BMP3: variants seen among roughly 807,000 people sequenced by gnomAD.
BMP3 encodes bone morphogenetic protein 3 (osteogenic).
BMP3 carries 23 observed loss-of-function variants against 38.1 expected under a neutral mutation model. The observed-to-expected ratio is 0.60, with a 90% confidence interval of 0.43 to 0.86. BMP3 has a LOEUF of 0.86. Among genes scored for constraint, BMP3 ranks in the 40% least tolerant of loss-of-function variants. BMP3 has a pLI of 0.00. For missense variants in BMP3, 628 were observed against 579.6 expected (o/e 1.08, Z -0.86); for synonymous variants, 258 against 225.7 (o/e 1.14, Z -1.28).
Position 81,045,789 on chromosome 4 carries a change from A to C in BMP3, c.368A>C (p.Lys123Thr). ...LYIFNLTSLT[K>T]SENILSATLY... ...ATCTTCAATCTGACATCGCTAACCA[A>C]GTCTGAAAACATTTTGTCTGCCACA... Residue 123 changes from lysine to threonine, a missense_variant, in exon 2 of 3, where the codon AAG becomes ACG. Coordinates refer to ENST00000282701, the MANE Select transcript of BMP3 (RefSeq NM_001201.5). 6.2e-7 allele frequency: 1 copy of C among 1,613,352 alleles called. No individual in the cohort carries two copies. The highest frequency in any genetic ancestry group is 1.1e-5 in the South Asian group (1 of 90,814).
intron 1 of BMP3, among the ~76,000 whole-genome samples, chr4:81,033,738 G>A (rs1480216006): frequency 6.6e-6 from 1 of 152,136 alleles, no homozygotes; most frequent in African/African-American, 2.4e-5. Flanking sequence ...AAGGTGCTAA[G>A]GTTTTCATGT....
intron 1 of BMP3, among the ~76,000 whole-genome samples, chr4:81,033,392 C>G (rs1312361660): frequency 3.3e-5 from 5 of 152,138 alleles, no homozygotes; most frequent in Non-Finnish European, 7.4e-5. Flanking sequence ...CAGAGTGTGC[C>G]TTATCAGCCT....
chr4:81,049,830 A>G (rs1468934565), intron 2 of BMP3, among the ~76,000 whole-genome samples: 1 of 152,222 alleles, frequency 6.6e-6, no homozygotes, highest in African/African-American at 2.4e-5. Flanking sequence ...GCCACTGGTC[A>G]GATCAGTACA....
rs759780251 is a variant in BMP3, at chr4:81,046,252, C to T, written c.831C>T (p.Ile277=). Residue 277 remains isoleucine (I), a synonymous_variant, in exon 2 of 3, where the codon ATC becomes ATT. Coordinates refer to ENST00000282701, the MANE Select transcript of BMP3 (RefSeq NM_001201.5). Reference sequence around the variant, plus strand: ...CTGTTCCCAAATGGGATAGCCACATCAGAGCTGCCCTTTCCATTGAGCGGA... The same window carrying T: ...CTGTTCCCAAATGGGATAGCCACATTAGAGCTGCCCTTTCCATTGAGCGGA... ...TGTVPKWDSH[I]RAALSIERRK... is the part of the protein sequence containing the mutation. The T allele has an allele frequency of 6.8e-6, 11 of 1,614,110 alleles. No individual in the cohort carries two copies. Among genetic ancestry groups the T allele is most frequent in the Non-Finnish European group, 8.5e-6 (10 of 1,180,016 alleles).
At chr4:81,043,377 A>G (rs973213523) in intron 1 of BMP3, among the ~76,000 whole-genome samples, 7 of 152,192 alleles carry the variant, frequency 4.6e-5, no homozygotes, top group African/African-American at 1.2e-4. Flanking sequence ...AATTGGAAGT[A>G]TGGGTGAACA....
In BMP3 at chr4:81,055,173, A is replaced by T. The variant is rs1740516293; in HGVS notation, c.*1637A>T. 1 of 152,246 alleles carries T rather than the reference A, an allele frequency of 6.6e-6. No homozygotes were observed. Among genetic ancestry groups the T allele is most frequent in the Non-Finnish European group, 1.5e-5 (1 of 68,032 alleles). 9.4% of individuals were successfully genotyped at this position (152,246 alleles called of 1,614,324 possible). ...CCTTGAAGGAATGATAGTGATAGATATAAAAACACTGTAAGTCCCTCTTTT... is the reference window on the plus strand; with the variant it reads ...CCTTGAAGGAATGATAGTGATAGATTTAAAAACACTGTAAGTCCCTCTTTT... On this transcript the variant is annotated 3_prime_UTR_variant, in exon 3 of 3. Transcript: ENST00000282701.
chr4:81,046,309 T>C lies in BMP3; in HGVS notation c.888T>C (p.Pro296=). 6.2e-7 allele frequency: 1 copy of C among 1,614,060 alleles called. No individual in the cohort carries two copies. Among genetic ancestry groups the C allele is most frequent in the Non-Finnish European group, 8.5e-7 (1 of 1,180,014 alleles). Residue 296 remains proline (P), a synonymous_variant, in exon 2 of 3, where the codon CCT becomes CCC. Transcript: ENST00000282701. ...AGCGCTCTACTGGGGTCTTGCTGCC[T>C]CTGCAGAACAACGAGCTTCCTGGGG... The part of the protein sequence containing the change: ...RKKRSTGVLL[P]LQNNELPGAE...
intron 1 of BMP3, among the ~76,000 whole-genome samples, chr4:81,034,226 G>GT (rs1404995256): frequency 7.7e-6 from 1 of 130,584 alleles, no homozygotes; most frequent in East Asian, 2.4e-4. Flanking sequence ...TGCCAAAACC[G>GT]TAAGTTTGGA....
Position 81,053,414 on chromosome 4 carries a change from C to G in BMP3, c.1297C>G (p.Pro433Ala), listed in dbSNP as rs758455386. The change falls in exon 3 of 3, where the codon CCT (proline) becomes GCT (alanine). Residue 433 changes from proline (P) to alanine (A), a missense_variant. By Grantham distance (27) the Pro-to-Ala change is conservative (BLOSUM62 -1). Transcript: ENST00000282701. ...AGCTGTGGGGGTCGTTCCTGGGATT[C>G]CTGAGCCTTGCTGTGTACCAGAAAA... ...VRAVGVVPGI[P>A]EPCCVPEKMS... 6.8e-6 allele frequency: 11 copies of G among 1,611,606 alleles called. No individual in the cohort carries two copies. The Admixed American group carries it at 1.7e-4, about 25-fold the overall frequency.
chr4:81,049,051 A>G (rs1398160338), intron 2 of BMP3, among the ~76,000 whole-genome samples: 1 of 152,206 alleles, frequency 6.6e-6, no homozygotes, highest in African/African-American at 2.4e-5. Context: ...ACAGTCTGAA[A>G]TGGGTCAAAT....
At chr4:81,048,152 C>A (rs765018731) in intron 2 of BMP3, among the ~76,000 whole-genome samples, 3 of 151,986 alleles carry the variant, frequency 2.0e-5, no homozygotes, top group Non-Finnish European at 4.4e-5. Context: ...ATATAAAGAG[C>A]CTTATCTTGT....
intron 2 of BMP3, among the ~76,000 whole-genome samples, chr4:81,052,813 C>T (rs1156950247): frequency 6.6e-6 from 1 of 152,128 alleles, no homozygotes; most frequent in Admixed American, 6.6e-5. Flanking sequence ...TTTATTTTAA[C>T]AACAATGCCT....
At chr4:81,050,087 A>G (rs9307778) in intron 2 of BMP3, among the ~76,000 whole-genome samples, 5,613 of 152,192 alleles carry the variant, frequency 0.037, 331 homozygotes, top group African/African-American at 0.13. Flanking sequence ...ACTGATTCCA[A>G]TTAGATAGTT....
intron 1 of BMP3, among the ~76,000 whole-genome samples, chr4:81,032,194 C>CAAAAAAAAAAAAAAAAAAAAAA (rs5859748): frequency 1.4e-5 from 1 of 74,038 alleles, no homozygotes; most frequent in African/African-American, 4.8e-5. Context: ...TCCTTAGTGG[C>CAAAAAAAAAAAAAAAAAAAAAA]AAAAAAAAAA....
chr4:81,039,119 C>A (rs1010280872), intron 1 of BMP3, among the ~76,000 whole-genome samples: 1 of 152,134 alleles, frequency 6.6e-6, no homozygotes, highest in Non-Finnish European at 1.5e-5. Flanking sequence ...AAGTTAAAGG[C>A]AGCACAGGGA....
rs932355575 is a variant in BMP3 at position 81,056,196 on chromosome 4, GAA to G, written c.*2663_*2664del. ...ATTAAATTATTAAATTGGCATTCATGAAAAGAGAAGCTACAATTATAAACTCC... is the reference window on the plus strand; with the variant it reads ...ATTAAATTATTAAATTGGCATTCATGAAGAGAAGCTACAATTATAAACTCC... On this transcript the variant is annotated 3_prime_UTR_variant, in exon 3 of 3. Transcript: ENST00000282701. The G allele has an allele frequency of 1.3e-5, 2 of 151,924 alleles. No homozygotes were observed. Among genetic ancestry groups the G allele is most frequent in the African/African-American group, 4.8e-5 (2 of 41,336 alleles). 9.4% of individuals were successfully genotyped at this position (151,924 alleles called of 1,614,324 possible).
In BMP3 at chr4:81,057,281, C is replaced by T. The variant is rs1002364878; in HGVS notation, c.*3745C>T. ...TTTTAATTTATTTAATGACTATTGC[C>T]TTCCTATAATAATAATTTTCATCCT... On this transcript the variant is annotated 3_prime_UTR_variant, in exon 3 of 3. Transcript: ENST00000282701. 2.6e-5 allele frequency: 4 copies of T among 151,686 alleles called. No homozygotes were observed. Among genetic ancestry groups the T allele is most frequent in the Admixed American group, 2.0e-4 (3 of 15,224 alleles). The allele number at this position is 151,686 out of a possible 1,614,324, so 9.4% of individuals were successfully genotyped here. A position where few individuals can be genotyped will look rare whatever the true frequency, so the allele number is the denominator to read the frequency against.
intron 2 of BMP3, among the ~76,000 whole-genome samples, chr4:81,049,356 G>A (rs181005035): frequency 1.7e-3 from 254 of 152,238 alleles, no homozygotes; most frequent in African/African-American, 6.0e-3. Flanking sequence ...GCATTCAACC[G>A]CCCGTGAGCT....
At chr4:81,039,834 C>T (rs1352172521) in intron 1 of BMP3, among the ~76,000 whole-genome samples, 1 of 152,074 alleles carries the variant, frequency 6.6e-6, no homozygotes, top group Non-Finnish European at 1.5e-5. Flanking sequence ...AATTTAGAGC[C>T]TTGTCTTTAA....
Sources: gnomAD v4.1 joint callset for allele counts (sites outside exome capture counted in the v4.1 genomes callset) on GRCh38, gnomAD v4.1.1 for gene constraint, MANE v1.5 for transcripts, NCBI Gene and HGNC (gene_info 2026-07-23, HGNC 2026-07-21) for gene names.